SMYD3: variants seen among roughly 807,000 people sequenced by gnomAD.
SMYD3 encodes histone-lysine N-methyltransferase SMYD3.
Under a neutral mutation model 57.7 loss-of-function variants are expected in SMYD3, and 36 were observed. The observed-to-expected ratio is 0.62, with a 90% CI of 0.48 to 0.82. SMYD3 has a LOEUF of 0.82. Among genes scored for constraint, SMYD3 ranks in the 40% least tolerant of loss-of-function variants. The pLI is 0.00. For synonymous variants in SMYD3, 211 were observed against 195.0 expected (o/e 1.08, Z -0.68); for missense variants, 515 against 538.8 (o/e 0.96, Z 0.44).
At chr1:246,417,568 G>C (rs1202894547) in intron 1 of SMYD3, among the ~76,000 whole-genome samples, 1 of 152,126 alleles carries the variant, frequency 6.6e-6, no homozygotes, top group Non-Finnish European at 1.5e-5. Context: ...AGGACGAGTT[G>C]AGTCTGTTCC....
intron 2 of SMYD3, among the ~76,000 whole-genome samples, chr1:246,340,802 T>TA: frequency 6.6e-6 from 1 of 152,030 alleles, no homozygotes. Context: ...CCCATCTCTA[T>TA]AAAAAAAAAT....
intron 5 of SMYD3, among the ~76,000 whole-genome samples, chr1:246,161,784 T>C (rs2062125008): frequency 6.6e-6 from 1 of 152,186 alleles, no homozygotes; most frequent in South Asian, 2.1e-4. Context: ...TCCCAAGTCC[T>C]GATTTTTCTT....
chr1:246,503,185 C>T (rs1005447586), intron 1 of SMYD3, among the ~76,000 whole-genome samples: 2 of 152,186 alleles, frequency 1.3e-5, no homozygotes, highest in African/African-American at 4.8e-5. Flanking sequence ...ACCTCTGTCC[C>T]CCCGCTGCCC....
At chr1:245,869,664 A>G (rs1202801121) in intron 8 of SMYD3, among the ~76,000 whole-genome samples, 4 of 152,164 alleles carry the variant, frequency 2.6e-5, no homozygotes, top group Non-Finnish European at 5.9e-5. Flanking sequence ...AAGCCCCTTG[A>G]ATACCGCCCT....
intron 5 of SMYD3, among the ~76,000 whole-genome samples, chr1:246,201,637 C>A (rs1249185392): frequency 6.6e-6 from 1 of 152,204 alleles, no homozygotes; most frequent in Admixed American, 6.5e-5. Flanking sequence ...CTCTAACTTA[C>A]CACACTTCAA....
intron 1 of SMYD3, chr1:246,417,271 T>C (rs1254662562): frequency 6.6e-6 from 1 of 152,212 alleles, no homozygotes; most frequent in African/African-American, 2.4e-5. Context: ...GGCCTTTCTG[T>C]TACAGCCCAA....
At chr1:246,429,745 A>G (rs1558461227) in intron 1 of SMYD3, among the ~76,000 whole-genome samples, 1 of 152,232 alleles carries the variant, frequency 6.6e-6, no homozygotes, top group Non-Finnish European at 1.5e-5. Flanking sequence ...TGGGTCCTAC[A>G]AGGGAAAATG....
intron 5 of SMYD3, among the ~76,000 whole-genome samples, chr1:246,122,658 G>A (rs1024414965): frequency 6.6e-6 from 1 of 152,250 alleles, no homozygotes. Flanking sequence ...TTTGACTAAA[G>A]GACACGTTTC....
chr1:246,025,197 G>A (rs2059554083), intron 5 of SMYD3, among the ~76,000 whole-genome samples: 1 of 143,016 alleles, frequency 7.0e-6, no homozygotes, highest in African/African-American at 2.7e-5. Flanking sequence ...ACAGCATCTA[G>A]GAAGACAGAT....
intron 5 of SMYD3, 83 bp from the exon 6 acceptor site, chr1:245,930,020 C>A: frequency 8.6e-7 from 1 of 1,160,152 alleles, no homozygotes; most frequent in South Asian, 1.2e-5. Context: ...CGTTCAAACC[C>A]AAATGTAGGA....
intron 1 of SMYD3, among the ~76,000 whole-genome samples, chr1:246,444,250 C>T: frequency 6.6e-6 from 1 of 152,040 alleles, no homozygotes. Context: ...CTCAGCCTCC[C>T]AAGTAGTTGG....
chr1:246,419,482 C>A (rs2067110271), intron 1 of SMYD3, among the ~76,000 whole-genome samples: 1 of 152,154 alleles, frequency 6.6e-6, no homozygotes, highest in Non-Finnish European at 1.5e-5. Flanking sequence ...AGGATGGGGG[C>A]GTGGTAGACC....
At chr1:246,331,809 A>C (rs1199281405) in intron 3 of SMYD3, among the ~76,000 whole-genome samples, 1 of 152,238 alleles carries the variant, frequency 6.6e-6, no homozygotes, top group Non-Finnish European at 1.5e-5. Context: ...AATTCTCACA[A>C]TATTTCAAAC....
At chr1:246,119,118 T>C (rs1347798336) in intron 5 of SMYD3, among the ~76,000 whole-genome samples, 1 of 152,164 alleles carries the variant, frequency 6.6e-6, no homozygotes, top group Non-Finnish European at 1.5e-5. Context: ...AATCCAGGGC[T>C]AAAGCCATCC....
chr1:245,976,117 C>CAGGGAAAGCCATCGTCTCCGGCCT (rs1558549891), intron 5 of SMYD3, among the ~76,000 whole-genome samples: 7 of 10,120 alleles, frequency 6.9e-4, no homozygotes, highest in Non-Finnish European at 1.3e-3. Context: ...GTCTCTAGCC[C>CAGGGAAAGCCATCGTCTCCGGCCT]AGGGAAAGCC....
chr1:245,910,206 G>A (rs2054867515), intron 8 of SMYD3, among the ~76,000 whole-genome samples: 1 of 152,058 alleles, frequency 6.6e-6, no homozygotes, highest in Admixed American at 6.5e-5. Context: ...ATTTGCAACA[G>A]CTACAATAAA....
chr1:246,264,041 GTTTT>G (rs35429908), intron 5 of SMYD3, among the ~76,000 whole-genome samples: 1 of 148,480 alleles, frequency 6.7e-6, no homozygotes, highest in African/African-American at 2.5e-5. Context: ...AGAAATAAAT[GTTTT>G]TTTTTTTGTT....
At chr1:245,826,818 A>G (rs1480018160) in intron 10 of SMYD3, among the ~76,000 whole-genome samples, 1 of 148,578 alleles carries the variant, frequency 6.7e-6, no homozygotes, top group Non-Finnish European at 1.5e-5. Context: ...TGCAGGAGGA[A>G]CTACCAAACG....
At chr1:245,808,512 T>C (rs1056553149) in intron 10 of SMYD3, among the ~76,000 whole-genome samples, 1 of 152,192 alleles carries the variant, frequency 6.6e-6, no homozygotes, top group African/African-American at 2.4e-5. Context: ...ACCACCTGAC[T>C]CAGGAAGGAG....
Sources: allele counts gnomAD v4.1 joint callset (sites outside exome capture counted in the v4.1 genomes callset), GRCh38; gene constraint gnomAD v4.1.1; transcripts MANE v1.5; gene names NCBI Gene and HGNC (gene_info 2026-07-23, HGNC 2026-07-21).